Variants in SLX4 observed in about 807,000 individuals in gnomAD.
SLX4 encodes the protein SLX4 structure-specific endonuclease subunit, also known as structure-specific endonuclease subunit SLX4.
Under a neutral mutation model 146.2 loss-of-function variants are expected in SLX4, and 112 were observed. That is an observed-to-expected ratio of 0.77 (90% CI 0.66 to 0.90). The LOEUF is 0.90. Ranked by LOEUF, SLX4 falls within the 40% of genes least tolerant of loss-of-function variation. The probability of loss-of-function intolerance (pLI) is 0.00; values close to 1 mark genes in which losing one functional copy is unlikely to be tolerated. For missense variants in SLX4, 2,563 were observed against 2,392.7 expected (o/e 1.07, Z -1.49); for synonymous variants, 1,061 against 997.7 (o/e 1.06, Z -1.20).
intron 5 of SLX4, 105 bp from the exon 6 acceptor site, chr16:3,598,104 G>T: frequency 7.5e-7 from 1 of 1,327,808 alleles, no homozygotes; most frequent in Non-Finnish European, 1.1e-6. Flanking sequence ...AAAAGTGACG[G>T]ATGTGGACCT....
At chr16:3,598,554 G>A (rs543679832) in intron 5 of SLX4, among the ~76,000 whole-genome samples, 1 of 152,204 alleles carries the variant, frequency 6.6e-6, no homozygotes, top group African/African-American at 2.4e-5. Flanking sequence ...AGCTCGTTTG[G>A]TTTGGAGGAA....
Position 3,589,296 on chromosome 16 carries a change from G to T in SLX4, c.4342C>A (p.Pro1448Thr), listed in dbSNP as rs569108777. 1.9e-6 allele frequency: 3 copies of T among 1,586,640 alleles called. No individual in the cohort carries two copies. Among genetic ancestry groups the T allele is most frequent in the Non-Finnish European group, 2.6e-6 (3 of 1,165,218 alleles). ...IDHWNLERTG[P>T]LSTSSPSRRM... ...CGGCTGGGGCTGCTGGTGCTCAGGG[G>T]GCCGGTCCGCTCCAGGTTCCAGTGG... Residue 1448 changes from proline to threonine, a missense_variant, in exon 12 of 15, where the codon CCC (proline) becomes ACC (threonine). Transcript: ENST00000294008. This position sits in a 1 kb window ranked among gnomAD's most constrained non-coding sequence, Gnocchi z 6.2.
Position 3,596,323 on chromosome 16 carries a change from G to C in SLX4, c.1754C>G (p.Pro585Arg), listed in dbSNP as rs2040658050. The C allele has an allele frequency of 1.3e-6, 2 of 1,584,962 alleles. No individual in the cohort carries two copies. Among genetic ancestry groups the C allele is most frequent in the Non-Finnish European group, 1.7e-6 (2 of 1,166,302 alleles). Residue 585 changes from proline to arginine, a missense_variant, in exon 8 of 15, where the codon CCC becomes CGC. Physicochemically the swap from Pro to Arg is moderately radical, Grantham distance 103 (BLOSUM62 -2). Coordinates refer to ENST00000294008, the MANE Select transcript of SLX4 (RefSeq NM_032444.4). ...TGCAGTGGGGGTGCCGTGGAGAGCG[G>C]GTGACCTTCGCTCGCTCAGCTCTGA... Reference protein sequence around the residue: ...EHSELSERRSPALHGTPTAGC... With the variant: ...EHSELSERRSRALHGTPTAGC...
rs375839558 is a variant in SLX4 at position 3,590,383 on chromosome 16, G to A, written c.3255C>T (p.Asp1085=). 2 of 1,614,106 alleles carry A rather than the reference G, an allele frequency of 1.2e-6. No homozygotes were observed. Among genetic ancestry groups the A allele is most frequent in the Admixed American group, 1.7e-5 (1 of 60,004 alleles). ...SPAVPSKQKR[D]RSILTLSKEP... is the part of the protein sequence containing the mutation. ...CTTTAGACAGCGTGAGGATGCTCCT[G>A]TCCCTTTTCTGCTTTGATGGCACAG... is the stretch of plus-strand genomic sequence containing the variant. The change falls in exon 12 of 15, where the codon GAC becomes GAT. Residue 1085 remains aspartate (D), a synonymous_variant. Coordinates refer to ENST00000294008, the MANE Select transcript of SLX4 (RefSeq NM_032444.4). The surrounding 1 kb of genome is among the most constrained non-coding windows in gnomAD (Gnocchi z 4.8).
rs1466244152 is a variant in SLX4 at position 3,590,816 on chromosome 16, G to A, written c.2822C>T (p.Ala941Val). 6.2e-7 allele frequency: 1 copy of A among 1,614,054 alleles called. No homozygotes were observed. Among genetic ancestry groups the A allele is most frequent in the African/African-American group, 1.3e-5 (1 of 75,060 alleles). Residue 941 changes from alanine (A) to valine (V), a missense_variant, in exon 12 of 15, where the codon GCA (alanine) becomes GTA (valine). By Grantham distance (64) the Ala-to-Val change is moderately conservative (BLOSUM62 0). Coordinates refer to ENST00000294008, the MANE Select transcript of SLX4 (RefSeq NM_032444.4). The surrounding 1 kb of genome is among the most constrained non-coding windows in gnomAD (Gnocchi z 4.8). ...PQGQHSGARG[A>V]EAPEQEAPEE... ...TGGCGCCTCCTGCTCAGGGGCCTCT[G>A]CTCCCCGTGCCCCTGAGTGCTGGCC...
intron 11 of SLX4, among the ~76,000 whole-genome samples, chr16:3,591,714 G>C (rs111864481): frequency 6.6e-6 from 1 of 151,994 alleles, no homozygotes; most frequent in Non-Finnish European, 1.5e-5. Context: ...ACTCAAGGCC[G>C]GGAGTTTGAG....
At chr16:3,591,564 A>G (rs2040596392) in intron 11 of SLX4, among the ~76,000 whole-genome samples, 1 of 152,200 alleles carries the variant, frequency 6.6e-6, no homozygotes, top group East Asian at 1.9e-4. Context: ...GGTGTGTCGG[A>G]CTGAATGTAA....
chr16:3,590,199 C>T lies in SLX4; in HGVS notation c.3439G>A (p.Glu1147Lys), dbSNP rs974413437. The T allele has an allele frequency of 5.0e-6, 8 of 1,614,076 alleles. No individual in the cohort carries two copies. Among genetic ancestry groups the T allele is most frequent in the African/African-American group, 2.7e-5 (2 of 74,932 alleles). Residue 1147 changes from glutamate to lysine, a missense_variant, in exon 12 of 15, where the codon GAA (glutamate) becomes AAA (lysine). Glu to Lys is a moderately conservative substitution (Grantham distance 56). Transcript: ENST00000294008. This position sits in a 1 kb window ranked among gnomAD's most constrained non-coding sequence, Gnocchi z 4.8. Reference protein sequence around the residue: ...RSQKSSSKLNEEDEVILLLDS... With the variant: ...RSQKSSSKLNKEDEVILLLDS... ...AGTAAGAGGATGACCTCATCTTCTT[C>T]GTTCAGTTTGGATGAAGATTTCTGA...
chr16:3,595,618 C>A lies in SLX4; in HGVS notation c.2000G>T (p.Gly667Val). 2 of 1,613,928 alleles carry A rather than the reference C, an allele frequency of 1.2e-6. No homozygotes were observed. Among genetic ancestry groups the A allele is most frequent in the Non-Finnish European group, 1.7e-6 (2 of 1,180,022 alleles). ...GCCAGTTCTTACCAAGGTGCGGCCG[C>A]CCCTGTCCGGGTGCTTGTCCTGCGA... ...VPSQDKHPDR[G>V]GRTLLSLGLL... The change falls in exon 9 of 15, where the codon GGC becomes GTC. Residue 667 changes from glycine (G) to valine (V), a missense_variant. By Grantham distance (109) the Gly-to-Val change is moderately radical. Transcript: ENST00000294008.
At chr16:3,595,934 G>A (rs1473453795) in intron 8 of SLX4, among the ~76,000 whole-genome samples, 1 of 152,236 alleles carries the variant, frequency 6.6e-6, no homozygotes, top group African/African-American at 2.4e-5. Flanking sequence ...TGGGCAGACA[G>A]CTCTGTCTTT....
chr16:3,583,331 C>G lies in SLX4; in HGVS notation c.4919G>C (p.Gly1640Ala). 2 of 1,613,956 alleles carry G rather than the reference C, an allele frequency of 1.2e-6. No homozygotes were observed. Among genetic ancestry groups the G allele is most frequent in the East Asian group, 2.2e-5 (1 of 44,872 alleles). The change falls in exon 14 of 15, where the codon GGG (glycine) becomes GCG (alanine). Residue 1640 changes from glycine (G) to alanine (A), a missense_variant. Transcript: ENST00000294008. The stretch of plus-strand genomic sequence containing the variant: ...GGTGGCCTCCTGCTGGGCATGGACC[C>G]CTGCCCTTGAAGGCTTGTAGGTCTG... ...ASQTYKPSRA[G>A]VHAQQEATTG...
In SLX4 at chr16:3,589,075, A is replaced by G. The variant is rs200225783; in HGVS notation, c.4563T>C (p.Pro1521=). 48 of 1,613,908 alleles carry G rather than the reference A, an allele frequency of 3.0e-5. No individual in the cohort carries two copies. The highest frequency in any genetic ancestry group is 3.6e-5 in the Non-Finnish European group (43 of 1,180,024). Residue 1521 remains proline (P), a synonymous_variant, in exon 12 of 15, where the codon CCT becomes CCC. Transcript: ENST00000294008. This position sits in a 1 kb window ranked among gnomAD's most constrained non-coding sequence, Gnocchi z 6.2. The stretch of plus-strand genomic sequence containing the variant: ...TCTGGGCCGGAGGAGGGGTCTCTGG[A>G]GGCCTCTGCTCTTCCCCGTCCCAAA... ...WDVWDGEEQR[P]PETPPPAQMP...
chr16:3,593,702 C>G (rs1407844816), intron 10 of SLX4, among the ~76,000 whole-genome samples: 2 of 152,186 alleles, frequency 1.3e-5, no homozygotes, highest in African/African-American at 2.4e-5. Flanking sequence ...AGAACTTTGA[C>G]AAAGACTGAG....
chr16:3,584,673 C>T (rs1480555188), intron 13 of SLX4, 96 bp downstream of exon 13: 28 of 962,454 alleles, frequency 2.9e-5, no homozygotes, highest in Non-Finnish European at 4.8e-5. Flanking sequence ...ACCCAGAGAC[C>T]ACACGGGGGG....
Position 3,589,865 on chromosome 16 carries a change from G to A in SLX4, c.3773C>T (p.Pro1258Leu), listed in dbSNP as rs916888522. The change falls in exon 12 of 15, where the codon CCC (proline) becomes CTC (leucine). Residue 1258 changes from proline (P) to leucine (L), a missense_variant. Physicochemically the swap from Pro to Leu is moderately conservative, Grantham distance 98. Transcript: ENST00000294008. This position sits in a 1 kb window ranked among gnomAD's most constrained non-coding sequence, Gnocchi z 6.2. ...ASTTDTSWLV[P>L]ATPLASRSRD... ...GCTTCTGCTGGCCAGCGGGGTGGCG[G>A]GCACCAGCCACGAGGTGTCTGTGGT... 1 of 1,613,238 alleles carries A rather than the reference G, an allele frequency of 6.2e-7. No individual in the cohort carries two copies. Among genetic ancestry groups the A allele is most frequent in the Non-Finnish European group, 8.5e-7 (1 of 1,179,998 alleles).
intron 5 of SLX4, 105 bp from the exon 6 acceptor site, chr16:3,598,104 G>C: frequency 7.5e-7 from 1 of 1,327,810 alleles, no homozygotes; most frequent in Non-Finnish European, 1.1e-6. Flanking sequence ...AAAAGTGACG[G>C]ATGTGGACCT....
rs143831403 is a variant in SLX4 at position 3,597,489 on chromosome 16, G to T, written c.1573C>A (p.Arg525Ser). ...CCCTCCCACAGAAAGCTCTGCTTGC[G>T]TTCAGGTGGAGGAGGACACTGGCCC... Reference protein sequence around the residue: ...RAGQCPPPPERKQSFLWEGSA... With the variant: ...RAGQCPPPPESKQSFLWEGSA... Residue 525 changes from arginine (R) to serine (S), a missense_variant, in exon 7 of 15, where the codon CGC (arginine) becomes AGC (serine). Arg to Ser is a moderately radical substitution (Grantham distance 110, BLOSUM62 -1). Transcript: ENST00000294008. The surrounding 1 kb of genome is among the most constrained non-coding windows in gnomAD (Gnocchi z 4.4). 15 of 1,614,042 alleles carry T rather than the reference G, an allele frequency of 9.3e-6. No homozygotes were observed. The highest frequency in any genetic ancestry group is 1.2e-5 in the Non-Finnish European group (14 of 1,180,016).
intron 3 of SLX4, 54 bp from the exon 4 acceptor site, chr16:3,602,361 C>G: frequency 6.3e-7 from 1 of 1,596,704 alleles, no homozygotes; most frequent in South Asian, 1.1e-5. Context: ...CAAGCTCACC[C>G]TCAGACCTCT....
Position 3,609,164 on chromosome 16 carries a change from G to A in SLX4, c.-200C>T, listed in dbSNP as rs1184209191. ...CACACTTGTAATCCCAGCTCTTTTG[G>A]AGGACGAGGCGGGGGGTGGATCACC... is the stretch of plus-strand genomic sequence containing the variant. On this transcript the variant is annotated 5_prime_UTR_variant, in exon 2 of 15. Transcript: ENST00000294008. 1.7e-6 allele frequency: 1 copy of A among 573,000 alleles called. No individual in the cohort carries two copies. The highest frequency in any genetic ancestry group is 3.1e-6 in the Non-Finnish European group (1 of 327,548). The allele number at this position is 573,000 out of a possible 1,614,324, so 35.5% of individuals were successfully genotyped here.
Sources: allele counts gnomAD v4.1 joint callset (sites outside exome capture counted in the v4.1 genomes callset), GRCh38; gene constraint gnomAD v4.1.1; non-coding constraint Gnocchi (gnomAD v3.1); transcripts MANE v1.5; gene names NCBI Gene and HGNC (gene_info 2026-07-23, HGNC 2026-07-21).